ANO10: variants seen among roughly 807,000 people sequenced by gnomAD.
ANO10 encodes anoctamin 10.
A neutral mutation model predicts 74.7 loss-of-function variants in ANO10; 77 were observed. That is an observed-to-expected ratio of 1.03 (90% CI 0.86 to 1.25). The LOEUF (loss-of-function observed/expected upper bound fraction) is 1.25, where lower values mean the gene tolerates loss of function less well. Among genes scored for constraint, ANO10 ranks in the 50% most tolerant of loss-of-function variants. ANO10 has a pLI of 0.00. For synonymous variants in ANO10, 279 were observed against 284.9 expected, an observed-to-expected ratio of 0.98 and a Z score of 0.21; for missense variants, 721 against 778.1, an observed-to-expected ratio of 0.93 and a Z score of 0.87.
chr3:43,436,035 T>G (rs1051427243), intron 11 of ANO10, among the ~76,000 whole-genome samples: 1 of 152,200 alleles, frequency 6.6e-6, no homozygotes, highest in Admixed American at 6.5e-5. Flanking sequence ...CTACCCCAAC[T>G]TTCTTAGGGT....
intron 10 of ANO10, among the ~76,000 whole-genome samples, chr3:43,552,722 A>ATGTATG (rs1341156245): frequency 8.8e-4 from 88 of 100,462 alleles, no homozygotes; most frequent in African/African-American, 3.0e-3. Context: ...ATATATATAT[A>ATGTATG]TATATATGTA....
intron 1 of ANO10, among the ~76,000 whole-genome samples, chr3:43,644,821 C>G (rs2083709525): frequency 6.6e-6 from 1 of 152,240 alleles, no homozygotes; most frequent in South Asian, 2.1e-4. Flanking sequence ...GGCGGTAACA[C>G]CTTCCCATTG....
At chr3:43,623,998 T>C (rs529785945), upstream of ANO10, among the ~76,000 whole-genome samples, 70 of 152,202 alleles carry the variant, frequency 4.6e-4, no homozygotes, top group Non-Finnish European at 9.7e-4. Context: ...CATTTTCTTA[T>C]ATTTATGTGG....
At position 43,507,950 on chromosome 3, in the gene ANO10, A is replaced by G. The variant is rs978574809; in HGVS notation, c.1797+41770T>C. On this transcript the variant is annotated intron_variant, in intron 11 of 12. Transcript: ENST00000292246. ...ATGTTCTAGGTGTTTGTAAAAGGCA[A>G]GAGAAAAATGTGATGTTCCTTATTA... Among the ~76,000 whole-genome samples the G allele has an allele frequency of 4.0e-4, 61 of 152,222 alleles. 1 individual carries two copies. The highest frequency in any genetic ancestry group is 6.3e-4 in the Non-Finnish European group (43 of 68,032).
chr3:43,524,449 C>A (rs1190969135), intron 11 of ANO10, among the ~76,000 whole-genome samples: 1 of 152,118 alleles, frequency 6.6e-6, no homozygotes, highest in Non-Finnish European at 1.5e-5. Context: ...CCTGCATTTA[C>A]AGTCCACCCC....
At chr3:43,576,277 T>C (rs2080989893) in intron 6 of ANO10, among the ~76,000 whole-genome samples, 1 of 152,186 alleles carries the variant, frequency 6.6e-6, no homozygotes, top group Admixed American at 6.5e-5. Context: ...ACCCTCGGCA[T>C]GAAACACAAT....
upstream of ANO10, among the ~76,000 whole-genome samples, chr3:43,624,792 G>A (rs2083477587): frequency 6.6e-6 from 1 of 152,356 alleles, no homozygotes; most frequent in East Asian, 1.9e-4. Flanking sequence ...GAGGGATGGA[G>A]TAGGACAGGC....
intron 1 of ANO10, among the ~76,000 whole-genome samples, chr3:43,677,776 G>C (rs1311690418): frequency 1.3e-5 from 2 of 152,194 alleles, no homozygotes; most frequent in Non-Finnish European, 2.9e-5. Context: ...GGTGGTCTCA[G>C]GGTAGTCAGA....
intron 12 of ANO10, among the ~76,000 whole-genome samples, chr3:43,416,204 C>T (rs1358032324): frequency 6.6e-6 from 1 of 152,146 alleles, no homozygotes; most frequent in Non-Finnish European, 1.5e-5. Flanking sequence ...CAGAAATATT[C>T]AAACAAAAAG....
rs548700130 is a variant in ANO10, at chr3:43,535,627, G to C, written c.1797+14093C>G. On this transcript the variant is annotated intron_variant, in intron 11 of 12. Coordinates refer to ENST00000292246, the MANE Select transcript of ANO10 (RefSeq NM_018075.5). ...GATGTTGATTTATATTTTAGTATGA[G>C]CTCCTTATTTTACTGTGAACTACTA... 1.9e-4 allele frequency among the ~76,000 whole-genome samples: 29 copies of C among 152,194 alleles called. No individual in the cohort carries two copies. In the South Asian group the frequency reaches 5.8e-3, roughly 30 times the overall value.
At chr3:43,453,120 G>A (rs1012040663) in intron 11 of ANO10, among the ~76,000 whole-genome samples, 1 of 150,964 alleles carries the variant, frequency 6.6e-6, no homozygotes, top group Non-Finnish European at 1.5e-5. Context: ...TTTCTGTGGT[G>A]TCCTTCGAAG....
At chr3:43,593,666 G>A (rs913184289) in intron 4 of ANO10, among the ~76,000 whole-genome samples, 1 of 152,140 alleles carries the variant, frequency 6.6e-6, no homozygotes, top group Non-Finnish European at 1.5e-5. Context: ...ATGCCCAACT[G>A]TAAAGACCAT....
intron 1 of ANO10, chr3:43,690,884 G>A (rs936485990): frequency 2.3e-5 from 29 of 1,239,448 alleles, no homozygotes; most frequent in Non-Finnish European, 3.0e-5. Context: ...CGCGGAAGAC[G>A]CATGCGCTGG....
In ANO10 at chr3:43,596,295, G is replaced by A. The variant is rs147842621; in HGVS notation, c.472+2237C>T. On this transcript the variant is annotated intron_variant, in intron 4 of 12. Transcript: ENST00000292246. The stretch of plus-strand genomic sequence containing the variant: ...TTCATATGGAACCAAAAAAGAACCC[G>A]CATTGCCAAGACAATCCTAAGCCAA... Among the ~76,000 whole-genome samples, 128 of 152,182 alleles carry A rather than the reference G, an allele frequency of 8.4e-4. 1 individual carries two copies. The East Asian group carries it at 0.023, about 27-fold the overall frequency.
intron 4 of ANO10, among the ~76,000 whole-genome samples, chr3:43,586,470 C>T (rs1466511665): frequency 1.3e-5 from 2 of 152,092 alleles, no homozygotes; most frequent in Non-Finnish European, 2.9e-5. Flanking sequence ...CCCTAGGACC[C>T]TTCTCTCTCC....
chr3:43,489,798 T>A (rs895406610), intron 11 of ANO10, among the ~76,000 whole-genome samples: 2 of 152,034 alleles, frequency 1.3e-5, no homozygotes, highest in Non-Finnish European at 2.9e-5. Flanking sequence ...TCTCTTTGCC[T>A]GGTGAAAAAA....
chr3:43,653,776 C>T (rs4325902), intron 1 of ANO10, among the ~76,000 whole-genome samples: 109,473 of 152,052 alleles, frequency 0.72, 39,958 homozygotes, highest in East Asian at 0.9. Flanking sequence ...TCTCTCTTTC[C>T]GCATACCTAG....
chr3:43,525,628 A>G (rs547756276), intron 11 of ANO10, among the ~76,000 whole-genome samples: 1 of 152,336 alleles, frequency 6.6e-6, no homozygotes, highest in African/African-American at 2.4e-5. Context: ...ATTAGTGGGA[A>G]GAAGTAATGT....
At chr3:43,394,518 TAA>T (rs2092340762) in intron 12 of ANO10, among the ~76,000 whole-genome samples, 1 of 152,202 alleles carries the variant, frequency 6.6e-6, no homozygotes, top group South Asian at 2.1e-4. Context: ...TAATCTCCTC[TAA>T]AGAGTTAGAG....
Sources: allele counts gnomAD v4.1 joint callset (sites outside exome capture counted in the v4.1 genomes callset), GRCh38; gene constraint gnomAD v4.1.1; transcripts MANE v1.5; gene names NCBI Gene and HGNC (gene_info 2026-07-23, HGNC 2026-07-21).